The following RIMS2 variants were observed in gnomAD, a reference collection of about 807,000 sequenced individuals.
The protein encoded by RIMS2 is regulating synaptic membrane exocytosis 2.
RIMS2 carries 59 observed loss-of-function variants against 174.4 expected under a neutral mutation model. The ratio of observed to expected loss-of-function variants is 0.34; its 90% CI spans 0.27 to 0.42. The LOEUF is 0.42. RIMS2 is among the 10% of genes least tolerant of loss of function. The pLI is 1.00. For synonymous variants in RIMS2, 606 were observed against 572.5 expected (o/e 1.06, Z -0.84); for missense variants, 1,620 against 1,666.3 (o/e 0.97, Z 0.48).
chr8:103,834,680 C>CTTTCTT (rs1342696980), intron 3 of RIMS2, among the ~76,000 whole-genome samples: 3 of 39,698 alleles, frequency 7.6e-5, no homozygotes, highest in Admixed American at 3.9e-4. Context: ...AGGTCTTTTT[C>CTTTCTT]TTTCTTTCTT....
At chr8:103,521,921 T>C (rs1831887567) in intron 1 of RIMS2, among the ~76,000 whole-genome samples, 1 of 152,146 alleles carries the variant, frequency 6.6e-6, no homozygotes, top group South Asian at 2.1e-4. Context: ...CTTCCTGCTC[T>C]ACCTTGCTTC....
chr8:103,970,458 G>T (rs1397533797), intron 15 of RIMS2, among the ~76,000 whole-genome samples: 3 of 152,136 alleles, frequency 2.0e-5, no homozygotes, highest in African/African-American at 7.2e-5. Flanking sequence ...TCTCCCTCTT[G>T]GAAGCATGAG....
At chr8:104,122,402 T>C (rs1469229983) in intron 19 of RIMS2, among the ~76,000 whole-genome samples, 4 of 152,094 alleles carry the variant, frequency 2.6e-5, no homozygotes, top group Non-Finnish European at 4.4e-5. Flanking sequence ...CCCTCAAACA[T>C]ATAGGGCTGG....
intron 19 of RIMS2, among the ~76,000 whole-genome samples, chr8:104,217,101 GT>G (rs544343530): frequency 2.7e-3 from 405 of 152,036 alleles, no homozygotes; most frequent in Admixed American, 5.1e-3. Context: ...GATCTTTAGA[GT>G]TTTTTCCCCT....
intron 19 of RIMS2, among the ~76,000 whole-genome samples, chr8:104,201,506 T>C (rs1404998955): frequency 1.3e-5 from 2 of 152,228 alleles, no homozygotes; most frequent in East Asian, 3.8e-4. Flanking sequence ...GCATCATAGA[T>C]TTAAATGATA....
chr8:103,953,420 A>T (rs2086068928), intron 14 of RIMS2, among the ~76,000 whole-genome samples: 1 of 152,222 alleles, frequency 6.6e-6, no homozygotes, highest in Admixed American at 6.5e-5. Flanking sequence ...AAACCCTGCA[A>T]GCCAGAAGAG....
chr8:103,692,942 G>C (rs935100348), intron 1 of RIMS2, among the ~76,000 whole-genome samples: 2 of 152,172 alleles, frequency 1.3e-5, no homozygotes, highest in African/African-American at 2.4e-5. Flanking sequence ...ACAGAATCAG[G>C]AATTGCCCAG....
intron 17 of RIMS2, among the ~76,000 whole-genome samples, chr8:104,012,970 C>A (rs370321107): frequency 5.9e-5 from 9 of 152,156 alleles, no homozygotes; most frequent in African/African-American, 2.2e-4. Context: ...CATTTTGATT[C>A]TTCTGTTTAA....
chr8:103,768,731 A>G (rs1209760980), intron 3 of RIMS2: 1 of 765,568 alleles, frequency 1.3e-6, no homozygotes, highest in Non-Finnish European at 2.4e-6. Context: ...TCTAAAGAAG[A>G]TGATGTCCAC....
At chr8:103,927,807 G>A in intron 10 of RIMS2, 1 of 1,527,354 alleles carries the variant, frequency 6.5e-7, no homozygotes, top group Non-Finnish European at 9.0e-7. Flanking sequence ...TTTTGGTTTT[G>A]TTTTATTGCT....
At chr8:104,113,495 A>T (rs1566486066) in intron 19 of RIMS2, among the ~76,000 whole-genome samples, 3 of 152,114 alleles carry the variant, frequency 2.0e-5, no homozygotes, top group Non-Finnish European at 4.4e-5. Flanking sequence ...TATTAATTTT[A>T]AAATTATCTT....
At chr8:103,996,231 G>A (rs2095087407) in intron 17 of RIMS2, among the ~76,000 whole-genome samples, 1 of 151,586 alleles carries the variant, frequency 6.6e-6, no homozygotes, top group Admixed American at 6.6e-5. Context: ...GCATCATCCT[G>A]ATATTATTTG....
intron 19 of RIMS2, among the ~76,000 whole-genome samples, chr8:104,031,880 G>A (rs913031775): frequency 6.6e-6 from 1 of 151,982 alleles, no homozygotes; most frequent in African/African-American, 2.4e-5. Flanking sequence ...ATTTTGGTGT[G>A]GACTTGATAG....
intron 2 of RIMS2, among the ~76,000 whole-genome samples, chr8:103,699,249 A>G (rs774013388): frequency 2.0e-5 from 3 of 152,082 alleles, no homozygotes; most frequent in Non-Finnish European, 4.4e-5. Flanking sequence ...TGGCTAGAGA[A>G]AGGATCTTAC....
At chr8:103,652,765 G>A (rs75861389) in intron 1 of RIMS2, 55 bp downstream of exon 3, 82,249 of 1,039,518 alleles carry the variant, frequency 0.079, 3,552 homozygotes, top group Non-Finnish European at 0.087. Flanking sequence ...ATAACATACT[G>A]AAAAGTATGT....
At chr8:103,651,082 A>G (rs1301103473) in intron 1 of RIMS2, among the ~76,000 whole-genome samples, 1 of 152,180 alleles carries the variant, frequency 6.6e-6, no homozygotes, top group Non-Finnish European at 1.5e-5. Flanking sequence ...CACATAGCTC[A>G]GTGTATTGGA....
chr8:103,647,895 G>GTTTTTTTTTTTTTT (rs1491274748), intron 1 of RIMS2, among the ~76,000 whole-genome samples: 2 of 113,680 alleles, frequency 1.8e-5, no homozygotes, highest in Non-Finnish European at 1.9e-5. Flanking sequence ...ATTTTTTTTT[G>GTTTTTTTTTTTTTT]ATTTTTTTTT....
intron 1 of RIMS2, among the ~76,000 whole-genome samples, chr8:103,570,276 T>C (rs552794043): frequency 6.0e-4 from 92 of 152,326 alleles, no homozygotes; most frequent in Non-Finnish European, 1.1e-3. Context: ...CAGCACATTC[T>C]CCACAAAGAA....
chr8:104,157,670 C>G (rs1016969085), intron 19 of RIMS2, among the ~76,000 whole-genome samples: 1 of 152,156 alleles, frequency 6.6e-6, no homozygotes, highest in Non-Finnish European at 1.5e-5. Context: ...GAATAATATT[C>G]CATTGTGTGT....
Sources: gnomAD v4.1 joint callset for allele counts (sites outside exome capture counted in the v4.1 genomes callset) on GRCh38, gnomAD v4.1.1 for gene constraint, MANE v1.5 for transcripts, NCBI Gene and HGNC (gene_info 2026-07-23, HGNC 2026-07-21) for gene names.